Variants in RUNX1T1 observed in about 807,000 individuals in gnomAD.
RUNX1T1 encodes the protein protein CBFA2T1.
A neutral mutation model predicts 62.8 loss-of-function variants in RUNX1T1; 4 were observed. The observed-to-expected ratio is 0.06, with a 90% CI of 0.03 to 0.15. The LOEUF (loss-of-function observed/expected upper bound fraction) is 0.15. Ranked by LOEUF, RUNX1T1 falls within the 10% of genes least tolerant of loss-of-function variation. RUNX1T1 has a pLI of 1.00. For missense variants in RUNX1T1, 508 were observed against 754.3 expected, an observed-to-expected ratio of 0.67 and a Z score of 3.82; for synonymous variants, 291 against 286.0, an observed-to-expected ratio of 1.02 and a Z score of -0.18.
intron 10 of RUNX1T1, among the ~76,000 whole-genome samples, chr8:91,960,750 G>C (rs1307888906): frequency 6.6e-6 from 1 of 152,212 alleles, no homozygotes; most frequent in Non-Finnish European, 1.5e-5. Flanking sequence ...TGACAAAGCA[G>C]TTGAAGACTT....
At chr8:92,103,346 GCAGGAGCGCCGCGCGCTGTGCGC>G (rs969568440), upstream of RUNX1T1, 23 of 184,344 alleles carry the variant, frequency 1.2e-4, no homozygotes, top group Non-Finnish European at 1.1e-5. Flanking sequence ...CCGCCGGGGA[GCAGGAGCGCCGCGCGCTGTGCGC>G]CGAGAGCGCC....
At position 91,970,852 on chromosome 8, in the gene RUNX1T1, T is replaced by A. The variant is rs1286685323; in HGVS notation, c.1268-4A>T. ...TTCACCTCATTGACGGCCTCCTCTG[T>A]GTGCCAGTCAGGCCAAACCAGACAA... On this transcript the variant is annotated splice_polypyrimidine_tract_variant and splice_region_variant and intron_variant, in intron 9 of 10. Transcript: ENST00000396218. 6.2e-7 allele frequency: 1 copy of A among 1,603,844 alleles called. No individual in the cohort carries two copies.
intron 1 of RUNX1T1, among the ~76,000 whole-genome samples, chr8:92,099,202 A>G (rs920609562): frequency 3.3e-5 from 5 of 152,226 alleles, no homozygotes; most frequent in African/African-American, 1.2e-4. Context: ...GAAAAAGAAT[A>G]AATTTTTTTC....
chr8:92,073,785 T>A (rs929061522), intron 2 of RUNX1T1, among the ~76,000 whole-genome samples: 6 of 152,140 alleles, frequency 3.9e-5, no homozygotes, highest in African/African-American at 1.4e-4. Flanking sequence ...CAGCCACGAA[T>A]TCCTGGGCTC....
chr8:91,960,599 C>T, intron 10 of RUNX1T1, 82 bp from the exon 12 acceptor site: 1 of 1,419,080 alleles, frequency 7.0e-7, no homozygotes, highest in South Asian at 1.2e-5. Flanking sequence ...TTAGGCATCA[C>T]TGTAGCCTTA....
intron 1 of RUNX1T1, among the ~76,000 whole-genome samples, chr8:92,046,156 T>C (rs907650424): frequency 6.6e-6 from 1 of 152,144 alleles, no homozygotes; most frequent in East Asian, 1.9e-4. Flanking sequence ...ATGATTTGTA[T>C]CACACATTTG....
intron 4 of RUNX1T1, chr8:92,006,623 T>C (rs1820827487): frequency 6.6e-6 from 1 of 152,042 alleles, no homozygotes; most frequent in African/African-American, 2.4e-5. Flanking sequence ...TAGAGCCAAG[T>C]TTCTGGCCTA....
chr8:91,974,695 TAC>T (rs1813544039), intron 9 of RUNX1T1, among the ~76,000 whole-genome samples: 1 of 152,178 alleles, frequency 6.6e-6, no homozygotes, highest in Non-Finnish European at 1.5e-5. Flanking sequence ...CTGGTAAAAC[TAC>T]ACAGTTCAGC....
At chr8:92,047,761 A>C (rs1455922573) in intron 1 of RUNX1T1, among the ~76,000 whole-genome samples, 1 of 151,800 alleles carries the variant, frequency 6.6e-6, no homozygotes, top group African/African-American at 2.4e-5. Context: ...TTAAAAAAAA[A>C]AAAAAGATAC....
chr8:91,970,724 G>C, exon 10 of RUNX1T1: 1 of 1,613,642 alleles, frequency 6.2e-7, no homozygotes, highest in African/African-American at 1.3e-5. Context: ...GTTTGGCCTC[G>C]GCGACCGTGC....
intron 2 of RUNX1T1, among the ~76,000 whole-genome samples, chr8:92,075,696 CAAG>C (rs1399837218): frequency 6.6e-6 from 1 of 152,032 alleles, no homozygotes; most frequent in Non-Finnish European, 1.5e-5. Flanking sequence ...AGCACTGCAA[CAAG>C]AAGAGGGTGA....
At chr8:92,041,873 C>T (rs1005252708) in intron 1 of RUNX1T1, among the ~76,000 whole-genome samples, 23 of 148,668 alleles carry the variant, frequency 1.5e-4, no homozygotes, top group Non-Finnish European at 2.1e-4. Flanking sequence ...GGCTGGAATG[C>T]AGTGGTGAGA....
In RUNX1T1 at chr8:91,986,120, T is replaced by C; in HGVS notation, c.1198+4A>G. ...TTCGAGATACTCATCTGAAGAAAAG[T>C]TACCTAGTGCAACTGGGTCTGGGTT... is the stretch of plus-strand genomic sequence containing the variant. On this transcript the variant is annotated splice_donor_region_variant and intron_variant, in intron 8 of 10. Transcript: ENST00000396218. 1 of 1,604,320 alleles carries C rather than the reference T, an allele frequency of 6.2e-7. No homozygotes were observed.
intron 3 of RUNX1T1, among the ~76,000 whole-genome samples, chr8:92,013,433 C>CTAG (rs1822369530): frequency 1.3e-5 from 2 of 152,188 alleles, no homozygotes; most frequent in Admixed American, 1.3e-4. Flanking sequence ...GTCTTCTGAG[C>CTAG]TAGTCTCTTA....
chr8:92,100,876 A>G (rs1383384028), upstream of RUNX1T1, among the ~76,000 whole-genome samples: 1 of 152,236 alleles, frequency 6.6e-6, no homozygotes, highest in Non-Finnish European at 1.5e-5. Context: ...TGTTAGTTTA[A>G]GAAACAATGG....
At chr8:92,017,162 T>C (rs1823178472) in intron 2 of RUNX1T1, 64 bp downstream of exon 3, 1 of 1,182,178 alleles carries the variant, frequency 8.5e-7, no homozygotes, top group Non-Finnish European at 1.2e-6. Context: ...GATTTTTCAT[T>C]TGCAGAAAAA....
chr8:92,015,862 C>T (rs1203200357), intron 2 of RUNX1T1, among the ~76,000 whole-genome samples: 1 of 152,182 alleles, frequency 6.6e-6, no homozygotes, highest in Non-Finnish European at 1.5e-5. Flanking sequence ...AATGCCAGCT[C>T]ACCAGGACAT....
intron 1 of RUNX1T1, among the ~76,000 whole-genome samples, chr8:92,037,604 G>A (rs1285615310): frequency 6.6e-6 from 1 of 152,110 alleles, no homozygotes; most frequent in Non-Finnish European, 1.5e-5. Flanking sequence ...GCTTGAGACC[G>A]GGAGGTCAAG....
At chr8:92,062,723 A>G (rs776736154) in exon 1 of RUNX1T1, 3 of 1,581,820 alleles carry the variant, frequency 1.9e-6, no homozygotes, top group East Asian at 4.5e-5. Flanking sequence ...CCAGGCAGAG[A>G]CAGATGGAGA....
Sources: allele counts gnomAD v4.1 joint callset (sites outside exome capture counted in the v4.1 genomes callset), GRCh38; gene constraint gnomAD v4.1.1; transcripts MANE v1.5; gene names NCBI Gene and HGNC (gene_info 2026-07-23, HGNC 2026-07-21).